ITIH2: variants seen among roughly 807,000 people sequenced by gnomAD.
ITIH2 encodes inter-alpha-trypsin inhibitor heavy chain 2.
ITIH2 carries 103 observed loss-of-function variants against 104.4 expected under a neutral mutation model. The ratio of observed to expected loss-of-function variants is 0.99; its 90% CI spans 0.84 to 1.16. The LOEUF is 1.16. Among genes scored for constraint, ITIH2 ranks in the 50% most tolerant of loss-of-function variants. The pLI is 0.00. For synonymous variants in ITIH2, 436 were observed against 435.4 expected (o/e 1.00, Z -0.02); for missense variants, 1,108 against 1,162.4 (o/e 0.95, Z 0.68).
At chr10:7,724,609 G>A (rs75914842) in intron 9 of ITIH2, among the ~76,000 whole-genome samples, 6,887 of 141,686 alleles carry the variant, frequency 0.049, 227 homozygotes, top group Admixed American at 0.076. Context: ...AGACGAAGAC[G>A]AAGAAGAGGA....
intron 17 of ITIH2, 136 bp downstream of exon 17, chr10:7,743,395 A>T (rs1367669297): frequency 7.2e-6 from 4 of 556,918 alleles, no homozygotes; most frequent in Non-Finnish European, 6.3e-6. Flanking sequence ...ATTAAATTAT[A>T]AATATATTCT....
chr10:7,727,222 C>A, intron 10 of ITIH2, 104 bp downstream of exon 10: 1 of 896,480 alleles, frequency 1.1e-6, no homozygotes, highest in Non-Finnish European at 1.7e-6. Context: ...CCCCAGCATT[C>A]GAGGGCCTAT....
At position 7,744,212 on chromosome 10, in the gene ITIH2, C is replaced by T. The variant is rs1303328846; in HGVS notation, c.2340C>T (p.Ile780=). Residue 780 remains isoleucine, a synonymous_variant, in exon 18 of 21, where the codon ATC becomes ATT. Transcript: ENST00000358415. ...DIKIEISTET[I]TLSHGSSTFS... ...AAATAGAAATCAGCACTGAGACCAT[C>T]ACCCTGAGCCATGGTTCTAGCACAT... The T allele has an allele frequency of 3.7e-6, 6 of 1,614,018 alleles. No individual in the cohort carries two copies. The highest frequency in any genetic ancestry group is 1.3e-5 in the African/African-American group (1 of 74,916).
intron 19 of ITIH2, among the ~76,000 whole-genome samples, chr10:7,746,068 TAAAAAAAAAAA>T (rs372266950): frequency 3.9e-4 from 14 of 35,772 alleles, no homozygotes; most frequent in African/African-American, 1.0e-3. Flanking sequence ...ATCTTAAATT[TAAAAAAAAAAA>T]AAAAAAAAAA....
At chr10:7,748,990 G>A (rs976093097) in intron 20 of ITIH2, among the ~76,000 whole-genome samples, 197 bp from the exon 21 acceptor site, 4 of 152,130 alleles carry the variant, frequency 2.6e-5, no homozygotes, top group Non-Finnish European at 4.4e-5. Flanking sequence ...CTCCAAGGAC[G>A]CTTCGCTGAT....
intron 5 of ITIH2, among the ~76,000 whole-genome samples, chr10:7,713,563 G>C (rs1052582404): frequency 9.2e-5 from 14 of 152,244 alleles, no homozygotes; most frequent in African/African-American, 3.1e-4. Flanking sequence ...TTTTTCTAAA[G>C]AGTGAAGAGA....
chr10:7,731,708 G>A (rs1284862415), intron 12 of ITIH2, 103 bp from the exon 13 acceptor site: 2 of 847,444 alleles, frequency 2.4e-6, no homozygotes, highest in East Asian at 5.7e-5. Context: ...CTGGGCAACA[G>A]AGTGAGACAT....
In ITIH2 at chr10:7,745,408, C is replaced by T. The variant is rs1326207973; in HGVS notation, c.2581+445C>T. ...CTCAGGTGCTCACCTCATTCTCCTG[C>T]CATCAGGGTGCTCGATTTACTTACA... On this transcript the variant is annotated intron_variant, in intron 19 of 20. Transcript: ENST00000358415. Among the ~76,000 whole-genome samples the T allele has an allele frequency of 2.6e-5, 4 of 151,990 alleles. No individual in the cohort carries two copies. In the East Asian group the frequency reaches 7.8e-4, roughly 30 times the overall value.
chr10:7,737,509 C>A, intron 15 of ITIH2, among the ~76,000 whole-genome samples: 1 of 127,652 alleles, frequency 7.8e-6, no homozygotes, highest in East Asian at 2.3e-4. Flanking sequence ...ATTTTGTATT[C>A]TATATATTAT....
chr10:7,738,708 C>G lies in ITIH2; in HGVS notation c.2045C>G (p.Ala682Gly). 6.2e-7 allele frequency: 1 copy of G among 1,613,694 alleles called. No individual in the cohort carries two copies. The highest frequency in any genetic ancestry group is 8.5e-7 in the Non-Finnish European group (1 of 1,179,804). The change falls in exon 16 of 21, where the codon GCA becomes GGA. Residue 682 changes from alanine to glycine, a missense_variant. Ala to Gly is a moderately conservative substitution (Grantham distance 60, BLOSUM62 0). Coordinates refer to ENST00000358415, the MANE Select transcript of ITIH2 (RefSeq NM_002216.3). ...CCAACGCCCGTGATCTCCATGCTGGCACAAGGATCTCAGGTGCTAGAGTCC... is the reference window on the plus strand; with the variant it reads ...CCAACGCCCGTGATCTCCATGCTGGGACAAGGATCTCAGGTGCTAGAGTCC... ...PSPTPVISML[A>G]QGSQVLESTP...
At chr10:7,710,577 T>C (rs957860344) in intron 4 of ITIH2, among the ~76,000 whole-genome samples, 1 of 152,186 alleles carries the variant, frequency 6.6e-6, no homozygotes, top group African/African-American at 2.4e-5. Flanking sequence ...TCCACTTTTG[T>C]CTTTCATACA....
rs529833880 is a variant in ITIH2 at position 7,705,143 on chromosome 10, A to G, written c.120A>G (p.Pro40=). ...ATGAAGATCTTGTGGAACTGGCCCC[A>G]GGCAAATTTCAATTGGTGGCAGAGA... ...VDYEDLVELA[P]GKFQLVAENR... Residue 40 remains proline (P), a synonymous_variant, in exon 2 of 21, where the codon CCA becomes CCG. Transcript: ENST00000358415. 1 of 1,613,090 alleles carries G rather than the reference A, an allele frequency of 6.2e-7. No individual in the cohort carries two copies. Among genetic ancestry groups the G allele is most frequent in the South Asian group, 1.1e-5 (1 of 91,024 alleles).
rs973320590 is a variant in ITIH2 at position 7,737,477 on chromosome 10, T to A, written c.1958-1144T>A. On this transcript the variant is annotated intron_variant, in intron 15 of 20. Coordinates refer to ENST00000358415, the MANE Select transcript of ITIH2 (RefSeq NM_002216.3). ...ATAACGTATAATTATAATTATATTA[T>A]CTGTAATATATAATTATATATATTT... is the stretch of plus-strand genomic sequence containing the variant. 7.1e-5 allele frequency among the ~76,000 whole-genome samples: 10 copies of A among 139,876 alleles called. 1 individual carries two copies. Among genetic ancestry groups the A allele is most frequent in the African/African-American group, 2.6e-4 (10 of 37,842 alleles). 91.8% of individuals were successfully genotyped at this position (139,876 alleles called of 152,430 possible). A position where few individuals can be genotyped will look rare whatever the true frequency, so the allele number is the denominator to read the frequency against.
intron 15 of ITIH2, among the ~76,000 whole-genome samples, chr10:7,735,442 G>C (rs1451335175): frequency 6.6e-6 from 1 of 152,062 alleles, no homozygotes; most frequent in African/African-American, 2.4e-5. Flanking sequence ...GTGGGCACCT[G>C]TAATCTCACC....
intron 9 of ITIH2, among the ~76,000 whole-genome samples, chr10:7,726,375 C>T (rs1834951600): frequency 6.6e-6 from 1 of 152,154 alleles, no homozygotes; most frequent in Non-Finnish European, 1.5e-5. Context: ...TGAAATAGTT[C>T]ATGAATAGAT....
chr10:7,729,190 G>C (rs1181851099), intron 11 of ITIH2, among the ~76,000 whole-genome samples: 1 of 152,100 alleles, frequency 6.6e-6, no homozygotes, highest in Non-Finnish European at 1.5e-5. Context: ...GCGTGTGCCT[G>C]TAATCCCAGC....
chr10:7,732,049 T>C (rs1004462441), intron 13 of ITIH2, 53 bp downstream of exon 13: 1 of 1,397,014 alleles, frequency 7.2e-7, no homozygotes, highest in South Asian at 1.3e-5. Context: ...CTAGATACAG[T>C]CCCTCTTGAA....
rs1835076816 is a variant in ITIH2 at position 7,737,705 on chromosome 10, CTATAT to C, written c.1958-909_1958-905del. On this transcript the variant is annotated intron_variant, in intron 15 of 20. Transcript: ENST00000358415. ...TCTATATTATATTCTATATAATATTCTATATTATATTCTATATAATATTCTATATT... is the reference window on the plus strand; with the variant it reads ...TCTATATTATATTCTATATAATATTCTATATTCTATATAATATTCTATATT... Among the ~76,000 whole-genome samples the C allele has an allele frequency of 2.0e-4, 4 of 20,244 alleles. 2 individuals are homozygous for C. Among genetic ancestry groups the C allele is most frequent in the East Asian group, 4.4e-3 (2 of 458 alleles). The allele number at this position is 20,244 out of a possible 152,430, so 13.3% of individuals were successfully genotyped here.
Position 7,732,406 on chromosome 10 carries a change from C to G in ITIH2, c.1716C>G (p.Asp572Glu), listed in dbSNP as rs1381527216. 3.1e-6 allele frequency: 5 copies of G among 1,614,062 alleles called. No homozygotes were observed. Among genetic ancestry groups the G allele is most frequent in the Admixed American group, 3.3e-5 (2 of 60,010 alleles). Residue 572 changes from aspartate to glutamate, a missense_variant, in exon 14 of 21, where the codon GAC (aspartate) becomes GAG (glutamate). By Grantham distance (45) the Asp-to-Glu change is conservative. Coordinates refer to ENST00000358415, the MANE Select transcript of ITIH2 (RefSeq NM_002216.3). ...MDDLQDFLSK[D>E]KHADPDFTRK... The stretch of plus-strand genomic sequence containing the variant: ...ACTTGCAGGATTTTCTATCGAAAGA[C>G]AAGCATGCAGATCCCGATTTCACCA...
Sources: allele counts gnomAD v4.1 joint callset (sites outside exome capture counted in the v4.1 genomes callset), GRCh38; gene constraint gnomAD v4.1.1; transcripts MANE v1.5; gene names NCBI Gene and HGNC (gene_info 2026-07-23, HGNC 2026-07-21).